Variants in CBY2 observed in about 807,000 individuals in gnomAD.
CBY2 encodes protein chibby homolog 2.
Under a neutral mutation model 25.3 loss-of-function variants are expected in CBY2, and 23 were observed. The ratio of observed to expected loss-of-function variants is 0.91; its 90% CI spans 0.65 to 1.29. The LOEUF is 1.29. Ranked by LOEUF, CBY2 falls within the 50% of genes most tolerant of loss-of-function variation. CBY2 has a pLI of 0.00. For missense variants in CBY2, 642 were observed against 590.7 expected (o/e 1.09, Z -0.90); for synonymous variants, 279 against 260.2 (o/e 1.07, Z -0.70).
chr13:45,704,378 TG>T lies in CBY2; in HGVS notation c.156+1524del, dbSNP rs1011052116. On this transcript the variant is annotated intron_variant, in intron 2 of 2. Transcript: ENST00000310521. This position sits in a 1 kb window ranked among gnomAD's most constrained non-coding sequence, Gnocchi z 4.1. Reference sequence around the variant, plus strand: ...GGGTGAAGAATGAGAGGATATCTCCTGTCTGGGCACGTGTACCTCACAAGGG... The same window carrying T: ...GGGTGAAGAATGAGAGGATATCTCCTTCTGGGCACGTGTACCTCACAAGGG... Among the ~76,000 whole-genome samples the T allele has an allele frequency of 2.0e-5, 3 of 152,156 alleles. No homozygotes were observed. The highest frequency in any genetic ancestry group is 7.2e-5 in the African/African-American group (3 of 41,450).
Position 45,704,388 on chromosome 13 carries a change from C to T in CBY2, c.156+1533C>T, listed in dbSNP as rs541534814. ...TGAGAGGATATCTCCTGTCTGGGCA[C>T]GTGTACCTCACAAGGGCAGATGCAG... On this transcript the variant is annotated intron_variant, in intron 2 of 2. Transcript: ENST00000310521. This position sits in a 1 kb window ranked among gnomAD's most constrained non-coding sequence, Gnocchi z 4.1. Among the ~76,000 whole-genome samples the T allele has an allele frequency of 5.9e-5, 9 of 152,244 alleles. No individual in the cohort carries two copies. The highest frequency in any genetic ancestry group is 1.4e-4 in the African/African-American group (6 of 41,538).
chr13:45,713,256 G>A lies in CBY2; in HGVS notation c.231G>A (p.Leu77=), dbSNP rs536813995. ...STPRCAQQAA[L]PRLSRRMASQ... Reference sequence around the variant, plus strand: ...CTCGCTGCGCGCAGCAGGCCGCCCTGCCCCGGCTGAGCCGCAGGATGGCGA... The same window carrying A: ...CTCGCTGCGCGCAGCAGGCCGCCCTACCCCGGCTGAGCCGCAGGATGGCGA... The change falls in exon 3 of 3, where the codon CTG becomes CTA. Residue 77 remains leucine, a synonymous_variant. Coordinates refer to ENST00000310521, the MANE Select transcript of CBY2 (RefSeq NM_152719.3). This position sits in a 1 kb window ranked among gnomAD's most constrained non-coding sequence, Gnocchi z 5.0. 6.2e-7 allele frequency: 1 copy of A among 1,613,802 alleles called. No homozygotes were observed. The highest frequency in any genetic ancestry group is 1.3e-5 in the African/African-American group (1 of 75,058).
intron 2 of CBY2, among the ~76,000 whole-genome samples, chr13:45,712,211 A>C (rs1431411387): frequency 6.6e-6 from 1 of 152,230 alleles, no homozygotes; most frequent in Non-Finnish European, 1.5e-5. Flanking sequence ...AGAATGTGCC[A>C]GAGCCCATGC....
rs1258777334 is a variant in CBY2, at chr13:45,702,387, T to C, written c.-4T>C. The C allele has an allele frequency of 6.2e-7, 1 of 1,614,028 alleles. No homozygotes were observed. The highest frequency in any genetic ancestry group is 1.7e-5 in the Admixed American group (1 of 60,024). ...AGCCCTGAAAAACACCATATTGTTT[T>C]GTGATGTCACCTCTGGAATGTTCTG... On this transcript the variant is annotated 5_prime_UTR_variant, in exon 1 of 3. Transcript: ENST00000310521.
intron 2 of CBY2, among the ~76,000 whole-genome samples, chr13:45,707,915 C>T (rs970433391): frequency 6.6e-6 from 1 of 152,166 alleles, no homozygotes; most frequent in Non-Finnish European, 1.5e-5. Context: ...TATAGTCACT[C>T]AGTGTTATTT....
Position 45,713,500 on chromosome 13 carries a change from C to T in CBY2, c.475C>T (p.His159Tyr), listed in dbSNP as rs1950286090. The change falls in exon 3 of 3, where the codon CAC becomes TAC. Residue 159 changes from histidine to tyrosine, a missense_variant. Transcript: ENST00000310521. This position sits in a 1 kb window ranked among gnomAD's most constrained non-coding sequence, Gnocchi z 5.0. Reference protein sequence around the residue: ...PSASFHHKLHHKRLAKECMLQ... With the variant: ...PSASFHHKLHYKRLAKECMLQ... ...CGCCTCCTTCCACCACAAGCTGCAC[C>T]ACAAGAGGCTGGCCAAGGAGTGCAT... is the stretch of plus-strand genomic sequence containing the variant. 6.2e-7 allele frequency: 1 copy of T among 1,614,072 alleles called. No homozygotes were observed. The highest frequency in any genetic ancestry group is 1.3e-5 in the African/African-American group (1 of 74,928).
Position 45,713,280 on chromosome 13 carries a change from G to A in CBY2, c.255G>A (p.Ala85=), listed in dbSNP as rs752724137. Reference sequence around the variant, plus strand: ...TGCCCCGGCTGAGCCGCAGGATGGCGAGCCAGCACTCCTATCCACTGAACC... The same window carrying A: ...TGCCCCGGCTGAGCCGCAGGATGGCAAGCCAGCACTCCTATCCACTGAACC... ...AALPRLSRRM[A]SQHSYPLNRF... The change falls in exon 3 of 3, where the codon GCG becomes GCA. Residue 85 remains alanine (A), a synonymous_variant. Transcript: ENST00000310521. This position sits in a 1 kb window ranked among gnomAD's most constrained non-coding sequence, Gnocchi z 5.0. 5.6e-6 allele frequency: 9 copies of A among 1,613,930 alleles called. No homozygotes were observed. In the South Asian group the frequency reaches 7.7e-5, roughly 14 times the overall value.
chr13:45,703,649 G>T, intron 2 of CBY2: 1 of 1,387,768 alleles, frequency 7.2e-7, no homozygotes, highest in Non-Finnish European at 1.0e-6. Flanking sequence ...CCACTGGTGG[G>T]CATTCCATAT....
At chr13:45,712,450 C>T (rs548346097) in intron 2 of CBY2, among the ~76,000 whole-genome samples, 1 of 152,160 alleles carries the variant, frequency 6.6e-6, no homozygotes, top group Non-Finnish European at 1.5e-5. Flanking sequence ...TCACGGATTC[C>T]ATATTTGTGA....
In CBY2 at chr13:45,713,661, C is replaced by T; in HGVS notation, c.636C>T (p.Ser212=). The change falls in exon 3 of 3, where the codon AGC becomes AGT. Residue 212 remains serine, a synonymous_variant. Coordinates refer to ENST00000310521, the MANE Select transcript of CBY2 (RefSeq NM_152719.3). The surrounding 1 kb of genome is among the most constrained non-coding windows in gnomAD (Gnocchi z 5.0). ...EHKASLGREE[S]RAPSPLLHKD... is the part of the protein sequence containing the mutation. ...AGGCCTCGCTGGGCCGAGAGGAGAG[C>T]CGGGCCCCCTCGCCACTGCTGCACA... 6.2e-7 allele frequency: 1 copy of T among 1,613,186 alleles called. No homozygotes were observed. The highest frequency in any genetic ancestry group is 8.5e-7 in the Non-Finnish European group (1 of 1,179,974).
rs1950303247 is a variant in CBY2 at position 45,714,542 on chromosome 13, T to C, written c.*170T>C. The C allele has an allele frequency of 5.6e-6, 3 of 537,744 alleles. No individual in the cohort carries two copies. The highest frequency in any genetic ancestry group is 3.7e-5 in the South Asian group (1 of 27,012). 33.3% of individuals were successfully genotyped at this position (537,744 alleles called of 1,614,324 possible). A position where few individuals can be genotyped will look rare whatever the true frequency, so the allele number is the denominator to read the frequency against. On this transcript the variant is annotated 3_prime_UTR_variant, in exon 3 of 3. Coordinates refer to ENST00000310521, the MANE Select transcript of CBY2 (RefSeq NM_152719.3). ...AGTTTTAATAAAGGTGTGAGGAGGC[T>C]GGGGCCAGTTGACACCAGCATGCTG...
Position 45,713,564 on chromosome 13 carries a change from A to C in CBY2, c.539A>C (p.Lys180Thr). 6.2e-7 allele frequency: 1 copy of C among 1,613,868 alleles called. No individual in the cohort carries two copies. Among genetic ancestry groups the C allele is most frequent in the South Asian group, 1.1e-5 (1 of 91,074 alleles). ...EENKSLREEN[K>T]ALREENRMLS... is the part of the protein sequence containing the mutation. ...AACAAGTCTCTGCGGGAGGAGAACA[A>C]GGCCCTGCGCGAGGAGAACCGGATG... Residue 180 changes from lysine to threonine, a missense_variant, in exon 3 of 3, where the codon AAG becomes ACG. Lys to Thr is a moderately conservative substitution (Grantham distance 78, BLOSUM62 -1). Transcript: ENST00000310521. This position sits in a 1 kb window ranked among gnomAD's most constrained non-coding sequence, Gnocchi z 5.0.
At chr13:45,709,980 G>A (rs374538333) in intron 2 of CBY2, among the ~76,000 whole-genome samples, 35 of 152,252 alleles carry the variant, frequency 2.3e-4, no homozygotes, top group African/African-American at 7.5e-4. Context: ...TTCTCCATCT[G>A]TAAAATAAGA....
chr13:45,707,277 C>T (rs949229906), intron 2 of CBY2, among the ~76,000 whole-genome samples: 2 of 151,990 alleles, frequency 1.3e-5, no homozygotes, highest in African/African-American at 4.8e-5. Flanking sequence ...ATGGATGAAC[C>T]TAGGGGTTTG....
Position 45,713,176 on chromosome 13 carries a change from C to A in CBY2, c.157-6C>A, listed in dbSNP as rs1164850127. 1.2e-6 allele frequency: 2 copies of A among 1,603,294 alleles called. No homozygotes were observed. The highest frequency in any genetic ancestry group is 1.7e-6 in the Non-Finnish European group (2 of 1,174,010). ...TAACGCTGGGCTTTCCCATTCTCTC[C>A]CGCAGAGGGGCACAGCCGAACCCTT... On this transcript the variant is annotated splice_polypyrimidine_tract_variant and splice_region_variant and intron_variant, in intron 2 of 2. Coordinates refer to ENST00000310521, the MANE Select transcript of CBY2 (RefSeq NM_152719.3). This position sits in a 1 kb window ranked among gnomAD's most constrained non-coding sequence, Gnocchi z 5.0.
At position 45,713,769 on chromosome 13, in the gene CBY2, G is replaced by C. The variant is rs772325626; in HGVS notation, c.744G>C (p.Gln248His). 11 of 1,603,774 alleles carry C rather than the reference G, an allele frequency of 6.9e-6. No individual in the cohort carries two copies. Among genetic ancestry groups the C allele is most frequent in the Non-Finnish European group, 9.4e-6 (11 of 1,175,736 alleles). ...GTGGCAAGGAGGACAGCACCCTGCAGCTCCTCCGGGAGGAGAATCGCGCGC... is the reference window on the plus strand; with the variant it reads ...GTGGCAAGGAGGACAGCACCCTGCACCTCCTCCGGGAGGAGAATCGCGCGC... ...VPRGKEDSTL[Q>H]LLREENRALQ... is the part of the protein sequence containing the mutation. Residue 248 changes from glutamine (Q) to histidine (H), a missense_variant, in exon 3 of 3, where the codon CAG becomes CAC. Gln to His is a conservative substitution (Grantham distance 24, BLOSUM62 0). Coordinates refer to ENST00000310521, the MANE Select transcript of CBY2 (RefSeq NM_152719.3). The surrounding 1 kb of genome is among the most constrained non-coding windows in gnomAD (Gnocchi z 5.0).
intron 2 of CBY2, among the ~76,000 whole-genome samples, chr13:45,710,214 G>C (rs918925272): frequency 1.3e-5 from 2 of 152,134 alleles, no homozygotes; most frequent in Non-Finnish European, 2.9e-5. Context: ...CTAGTGCAAG[G>C]ATGGAGAGAA....
intron 2 of CBY2, among the ~76,000 whole-genome samples, chr13:45,709,950 T>G (rs1950260333): frequency 6.6e-6 from 1 of 152,212 alleles, no homozygotes; most frequent in Non-Finnish European, 1.5e-5. Context: ...GCTGGTTATT[T>G]AACATCTCTG....
chr13:45,713,225 G>C lies in CBY2; in HGVS notation c.200G>C (p.Ser67Thr). 1 of 1,613,434 alleles carries C rather than the reference G, an allele frequency of 6.2e-7. No individual in the cohort carries two copies. The highest frequency in any genetic ancestry group is 8.5e-7 in the Non-Finnish European group (1 of 1,179,862). Reference sequence around the variant, plus strand: ...TTCCCGAGGCTCCACAACTTGTACAGCACCCCTCGCTGCGCGCAGCAGGCC... The same window carrying C: ...TTCCCGAGGCTCCACAACTTGTACACCACCCCTCGCTGCGCGCAGCAGGCC... ...EPFPRLHNLY[S>T]TPRCAQQAAL... The change falls in exon 3 of 3, where the codon AGC becomes ACC. Residue 67 changes from serine to threonine, a missense_variant. Physicochemically the swap from Ser to Thr is moderately conservative, Grantham distance 58 (BLOSUM62 1). Transcript: ENST00000310521. The surrounding 1 kb of genome is among the most constrained non-coding windows in gnomAD (Gnocchi z 5.0).
Sources: allele counts gnomAD v4.1 joint callset (sites outside exome capture counted in the v4.1 genomes callset), GRCh38; gene constraint gnomAD v4.1.1; non-coding constraint Gnocchi (gnomAD v3.1); transcripts MANE v1.5; gene names NCBI Gene and HGNC (gene_info 2026-07-23, HGNC 2026-07-21).